The following RPGRIP1L variants were observed in gnomAD, a reference collection of about 807,000 sequenced individuals.
RPGRIP1L encodes the protein protein fantom.
Under a neutral mutation model 160.4 loss-of-function variants are expected in RPGRIP1L, and 131 were observed. The ratio of observed to expected loss-of-function variants is 0.82; its 90% confidence interval spans 0.71 to 0.94. The LOEUF (loss-of-function observed/expected upper bound fraction) is 0.94. RPGRIP1L is among the 40% of genes least tolerant of loss of function. RPGRIP1L has a pLI of 0.00. For synonymous variants in RPGRIP1L, 510 were observed against 515.8 expected (o/e 0.99, Z 0.15); for missense variants, 1,522 against 1,535.8 (o/e 0.99, Z 0.15).
At chr16:53,630,004 T>C in intron 22 of RPGRIP1L, among the ~76,000 whole-genome samples, 1 of 152,212 alleles carries the variant, frequency 6.6e-6, no homozygotes, top group Middle Eastern at 3.4e-3. Context: ...CATGTCTGTA[T>C]GTGCAAATAA....
intron 9 of RPGRIP1L, among the ~76,000 whole-genome samples, 185 bp from the exon 10 acceptor site, chr16:53,665,194 A>G (rs971687442): frequency 6.6e-6 from 1 of 152,184 alleles, no homozygotes; most frequent in African/African-American, 2.4e-5. Flanking sequence ...GGGAACATGA[A>G]AGAGTTTGTG....
chr16:53,634,970 A>G (rs928550557), intron 22 of RPGRIP1L, among the ~76,000 whole-genome samples: 11 of 152,230 alleles, frequency 7.2e-5, no homozygotes, highest in Admixed American at 2.6e-4. Flanking sequence ...AATGATGTTC[A>G]CATTTGAGAT....
chr16:53,696,445 T>A (rs1970765481), intron 2 of RPGRIP1L, 150 bp from the exon 3 acceptor site: 2 of 741,174 alleles, frequency 2.7e-6, no homozygotes, highest in South Asian at 3.2e-5. Flanking sequence ...TGTACCATTG[T>A]TTACATCAAT....
At position 53,645,836 on chromosome 16, in the gene RPGRIP1L, GT is replaced by G; in HGVS notation, c.2471del (p.Asp824AlafsTer25). ...YVVYKFFDFADHDTAIIPSSN... is the reference protein window; with the variant it reads ...YVVYKFFDFAXHDTAIIPSSN... ...TACTGGGAATGATAGCTGTATCATG[GT>G]CTGCAAAATCAAAAAACTTGTACAC... On this transcript the variant is annotated frameshift_variant, in exon 17 of 27. Transcript: ENST00000647211. LOFTEE classifies it high-confidence loss of function. 1 of 1,614,054 alleles carries G rather than the reference GT, an allele frequency of 6.2e-7. No individual in the cohort carries two copies. Among genetic ancestry groups the G allele is most frequent in the Non-Finnish European group, 8.5e-7 (1 of 1,179,974 alleles).
intron 7 of RPGRIP1L, 44 bp from the exon 8 acceptor site, chr16:53,673,060 A>G: frequency 6.4e-7 from 1 of 1,551,748 alleles, no homozygotes; most frequent in South Asian, 1.1e-5. Flanking sequence ...TTTTTGACTA[A>G]ATGATTAAAT....
chr16:53,636,372 A>G, intron 22 of RPGRIP1L, 67 bp downstream of exon 22: 1 of 1,035,366 alleles, frequency 9.7e-7, no homozygotes, highest in Non-Finnish European at 1.5e-6. Context: ...TATGAAGACT[A>G]CATATGTACT....
intron 10 of RPGRIP1L, among the ~76,000 whole-genome samples, chr16:53,660,997 A>G (rs777874463): frequency 6.6e-5 from 10 of 151,918 alleles, no homozygotes; most frequent in African/African-American, 1.9e-4. Context: ...CTAGTTTACT[A>G]AAGAAAAGAA....
intron 22 of RPGRIP1L, among the ~76,000 whole-genome samples, chr16:53,634,565 G>A (rs572409500): frequency 1.3e-5 from 2 of 152,108 alleles, no homozygotes; most frequent in Non-Finnish European, 2.9e-5. Flanking sequence ...GGTCATGGGA[G>A]CAAATCCCAC....
intron 24 of RPGRIP1L, among the ~76,000 whole-genome samples, chr16:53,615,670 C>T (rs1172510967): frequency 1.3e-5 from 2 of 151,798 alleles, no homozygotes; most frequent in Admixed American, 6.6e-5. Context: ...GATGGGGTTT[C>T]ACCATGTTGG....
chr16:53,656,413 A>G lies in RPGRIP1L; in HGVS notation c.1699+59T>C. ...AAGTGCAGATTTGGATGACATTATC[A>G]ACTGTTATAAAATCCATTCCTCTAG... On this transcript the variant is annotated intron_variant, in intron 14 of 26. Transcript: ENST00000647211. 2.8e-6 allele frequency: 3 copies of G among 1,061,690 alleles called. No individual in the cohort carries two copies. In the South Asian group the frequency reaches 3.7e-5, roughly 13 times the overall value. The allele number at this position is 1,061,690 out of a possible 1,614,324, so 65.8% of individuals were successfully genotyped here. A position where few individuals can be genotyped will look rare whatever the true frequency, so the allele number is the denominator to read the frequency against.
At chr16:53,648,207 G>A (rs1191147484) in intron 16 of RPGRIP1L, among the ~76,000 whole-genome samples, 2 of 151,146 alleles carry the variant, frequency 1.3e-5, no homozygotes, top group East Asian at 3.9e-4. Flanking sequence ...TGCATTTATT[G>A]GATCATGGAA....
intron 22 of RPGRIP1L, 122 bp from the exon 23 acceptor site, chr16:53,622,478 T>A (rs529701989): frequency 4.3e-4 from 209 of 487,038 alleles, no homozygotes; most frequent in Non-Finnish European, 6.7e-4. Context: ...ATCCTATTCA[T>A]ACTGTGTTAT....
rs767533648 is a variant in RPGRIP1L, at chr16:53,696,137, C to CT, written c.230+13dup. 7.7e-5 allele frequency: 124 copies of CT among 1,612,736 alleles called. 1 individual carries two copies. Among genetic ancestry groups the CT allele is most frequent in the Non-Finnish European group, 5.9e-6 (7 of 1,179,396 alleles). ...CTGAGTCAAGAAAAAAAGCTAAAAG[C>CT]TTTTTATCATAACCTTTTAATTTTA... is the stretch of plus-strand genomic sequence containing the variant. On this transcript the variant is annotated intron_variant, in intron 3 of 26. Coordinates refer to ENST00000647211, the MANE Select transcript of RPGRIP1L (RefSeq NM_015272.5).
In RPGRIP1L at chr16:53,701,229, T is replaced by G. The variant is rs150076009; in HGVS notation, c.-7-499A>C. ...AAGCACTGATCACATGTGCCTGGGA[T>G]GTCAATATTACTCAAATATTGTCTG... On this transcript the variant is annotated intron_variant, in intron 1 of 26. Transcript: ENST00000647211. Among the ~76,000 whole-genome samples the G allele has an allele frequency of 8.8e-3, 1,334 of 152,306 alleles. 12 individuals carry two copies. Among genetic ancestry groups the G allele is most frequent in the Non-Finnish European group, 0.015 (1,049 of 68,028 alleles).
rs550043228 is a variant in RPGRIP1L at position 53,697,392 on chromosome 16, C to T, written c.86-1097G>A. 2.0e-3 allele frequency among the ~76,000 whole-genome samples: 310 copies of T among 151,952 alleles called. 2 individuals are homozygous for T. The highest frequency in any genetic ancestry group is 3.4e-3 in the Middle Eastern group (1 of 294). ...CCCTCTCCCTCTCCCTCTCTTTCCACGGTCTCCCTCTGATGCCAAGCCGAA... is the reference window on the plus strand; with the variant it reads ...CCCTCTCCCTCTCCCTCTCTTTCCATGGTCTCCCTCTGATGCCAAGCCGAA... On this transcript the variant is annotated intron_variant, in intron 2 of 26. Coordinates refer to ENST00000647211, the MANE Select transcript of RPGRIP1L (RefSeq NM_015272.5).
chr16:53,673,557 G>A (rs1314293384), intron 7 of RPGRIP1L, among the ~76,000 whole-genome samples: 1 of 151,990 alleles, frequency 6.6e-6, no homozygotes, highest in Non-Finnish European at 1.5e-5. Flanking sequence ...TGACCATGCT[G>A]TAAATTCAAT....
At chr16:53,640,662 G>C (rs577048459) in intron 19 of RPGRIP1L, among the ~76,000 whole-genome samples, 1 of 152,100 alleles carries the variant, frequency 6.6e-6, no homozygotes, top group African/African-American at 2.4e-5. Flanking sequence ...ATATGGCAGA[G>C]AGAAAGTCGC....
At chr16:53,692,395 T>C in intron 3 of RPGRIP1L, 31 bp from the exon 4 acceptor site, 1 of 1,594,784 alleles carries the variant, frequency 6.3e-7, no homozygotes, top group Non-Finnish European at 8.6e-7. Flanking sequence ...TGAAAAGGAA[T>C]GTGAGAAGTC....
intron 4 of RPGRIP1L, 38 bp from the exon 5 acceptor site, chr16:53,688,003 A>C (rs745528253): frequency 8.2e-7 from 1 of 1,221,350 alleles, no homozygotes; most frequent in Non-Finnish European, 1.2e-6. Flanking sequence ...ACAGAATTGA[A>C]GTTAGAAAAG....
Sources: gnomAD v4.1 joint callset for allele counts (sites outside exome capture counted in the v4.1 genomes callset) on GRCh38, gnomAD v4.1.1 for gene constraint, MANE v1.5 for transcripts, NCBI Gene and HGNC (gene_info 2026-07-23, HGNC 2026-07-21) for gene names.